The following GABBR2 variants were observed in gnomAD, a reference collection of about 807,000 sequenced individuals.
GABBR2 encodes the protein G-protein coupled receptor 51.
A neutral mutation model predicts 105.6 loss-of-function variants in GABBR2; 23 were observed. The ratio of observed to expected loss-of-function variants is 0.22; its 90% CI spans 0.16 to 0.31. The LOEUF (loss-of-function observed/expected upper bound fraction) is 0.31. Ranked by LOEUF, GABBR2 falls within the 10% of genes least tolerant of loss-of-function variation. The pLI is 1.00. For missense variants in GABBR2, 734 were observed against 1,245.5 expected (o/e 0.59, Z 6.18); for synonymous variants, 478 against 499.7 (o/e 0.96, Z 0.58).
intron 3 of GABBR2, among the ~76,000 whole-genome samples, chr9:98,500,077 G>A (rs377131611): frequency 8.0e-4 from 122 of 152,110 alleles, no homozygotes; most frequent in African/African-American, 2.8e-3. Context: ...ACAACAAACA[G>A]ACGAAAACAA....
At chr9:98,628,183 G>A (rs183693040) in intron 1 of GABBR2, among the ~76,000 whole-genome samples, 32 of 152,242 alleles carry the variant, frequency 2.1e-4, no homozygotes, top group South Asian at 2.1e-3. Context: ...ACAATAAACC[G>A]TTTACATTTT....
chr9:98,673,722 A>G (rs912602345), intron 1 of GABBR2, among the ~76,000 whole-genome samples: 1 of 152,200 alleles, frequency 6.6e-6, no homozygotes, highest in African/African-American at 2.4e-5. Context: ...TTGATGCCCT[A>G]AAGATCCTGA....
At chr9:98,551,421 C>T (rs1330444724) in intron 2 of GABBR2, among the ~76,000 whole-genome samples, 1 of 152,228 alleles carries the variant, frequency 6.6e-6, no homozygotes, top group Non-Finnish European at 1.5e-5. Context: ...CCAAACCAAA[C>T]CAAACAAAAC....
intron 13 of GABBR2, among the ~76,000 whole-genome samples, chr9:98,352,371 G>T (rs993812022): frequency 1.3e-5 from 2 of 152,218 alleles, no homozygotes; most frequent in Non-Finnish European, 2.9e-5. Flanking sequence ...GGTGGCAGAA[G>T]AGGTGGCTGG....
intron 2 of GABBR2, among the ~76,000 whole-genome samples, chr9:98,577,394 CAA>C (rs1828935137): frequency 6.6e-6 from 1 of 152,178 alleles, no homozygotes; most frequent in African/African-American, 2.4e-5. Flanking sequence ...TCTGCCAGGG[CAA>C]AGAGTGAATA....
intron 1 of GABBR2, among the ~76,000 whole-genome samples, chr9:98,673,084 T>C (rs770082954): frequency 3.9e-5 from 6 of 152,108 alleles, no homozygotes; most frequent in Non-Finnish European, 5.9e-5. Flanking sequence ...AGGTGGGAAA[T>C]AGATGAAACC....
chr9:98,552,241 G>C (rs1407770088), intron 2 of GABBR2: 5 of 152,210 alleles, frequency 3.3e-5, no homozygotes, highest in African/African-American at 9.7e-5. Context: ...CAGTTGCTAA[G>C]TCCTAGGTAA....
chr9:98,553,029 C>T (rs1047345168), intron 2 of GABBR2, among the ~76,000 whole-genome samples: 2 of 152,002 alleles, frequency 1.3e-5, no homozygotes, highest in Non-Finnish European at 2.9e-5. Context: ...CCACGTGCCA[C>T]CATGCCTGGC....
intron 17 of GABBR2, among the ~76,000 whole-genome samples, chr9:98,297,131 T>C (rs1830394699): frequency 6.6e-6 from 1 of 152,224 alleles, no homozygotes; most frequent in Admixed American, 6.5e-5. Context: ...ATGAAATTTA[T>C]TGAATAATTC....
chr9:98,479,400 T>G (rs1206392263), intron 5 of GABBR2, among the ~76,000 whole-genome samples: 1 of 152,048 alleles, frequency 6.6e-6, no homozygotes, highest in Non-Finnish European at 1.5e-5. Flanking sequence ...GCTCAGAGAG[T>G]GTAAACAACA....
intron 1 of GABBR2, among the ~76,000 whole-genome samples, chr9:98,619,041 T>C (rs2131819987): frequency 1.3e-5 from 2 of 152,348 alleles, no homozygotes; most frequent in South Asian, 4.2e-4. Flanking sequence ...TGAAGTGTTC[T>C]AAGATCTTTA....
At chr9:98,611,848 G>A (rs889604243) in intron 1 of GABBR2, among the ~76,000 whole-genome samples, 8 of 152,154 alleles carry the variant, frequency 5.3e-5, no homozygotes, top group East Asian at 1.9e-4. Flanking sequence ...TCCCTGATGC[G>A]CCCAAGGAGT....
At chr9:98,308,503 A>C (rs1402834117) in intron 14 of GABBR2, among the ~76,000 whole-genome samples, 1 of 152,188 alleles carries the variant, frequency 6.6e-6, no homozygotes, top group Admixed American at 6.5e-5. Context: ...ATTTGGAAAA[A>C]GGGTATTTGC....
At chr9:98,465,013 C>A (rs1461152585) in intron 6 of GABBR2, among the ~76,000 whole-genome samples, 1 of 150,126 alleles carries the variant, frequency 6.7e-6, no homozygotes, top group African/African-American at 2.5e-5. Flanking sequence ...CTAGGAAAAC[C>A]AGAGACCTTT....
chr9:98,631,299 C>G (rs1488064904), intron 1 of GABBR2, among the ~76,000 whole-genome samples: 3 of 152,212 alleles, frequency 2.0e-5, no homozygotes, highest in Admixed American at 6.5e-5. Flanking sequence ...CAGTGTGACC[C>G]TGGAAAAGAT....
At chr9:98,410,427 C>T (rs917623006) in intron 7 of GABBR2, among the ~76,000 whole-genome samples, 3 of 151,788 alleles carry the variant, frequency 2.0e-5, no homozygotes, top group Admixed American at 6.6e-5. Context: ...TTCCCAGAAT[C>T]GCCTGCCAGC....
At chr9:98,352,444 G>A (rs1403585804) in intron 13 of GABBR2, among the ~76,000 whole-genome samples, 1 of 152,124 alleles carries the variant, frequency 6.6e-6, no homozygotes, top group African/African-American at 2.4e-5. Flanking sequence ...GGCTGGGAAG[G>A]CCAGCCCTAG....
chr9:98,365,803 A>G (rs1056184299), intron 12 of GABBR2, among the ~76,000 whole-genome samples: 2 of 139,082 alleles, frequency 1.4e-5, no homozygotes, highest in East Asian at 3.9e-4. Context: ...ATCTTAAATA[A>G]TGAAAACAGA....
At chr9:98,463,598 TCTCCGTCTCGCTCTC>T (rs1386826222) in intron 6 of GABBR2, among the ~76,000 whole-genome samples, 1 of 45,086 alleles carries the variant, frequency 2.2e-5, no homozygotes, top group Non-Finnish European at 6.4e-5. Flanking sequence ...GCCCTCTCGC[TCTCCGTCTCGCTCTC>T]GCTCTCGCTC....
Sources: allele counts gnomAD v4.1 joint callset (sites outside exome capture counted in the v4.1 genomes callset), GRCh38; gene constraint gnomAD v4.1.1; transcripts MANE v1.5; gene names NCBI Gene and HGNC (gene_info 2026-07-23, HGNC 2026-07-21).